TARS2: variants seen among roughly 807,000 people sequenced by gnomAD.
The protein encoded by TARS2 is threonine--tRNA ligase, mitochondrial.
Under a neutral mutation model 94.4 loss-of-function variants are expected in TARS2, and 61 were observed. The ratio of observed to expected loss-of-function variants is 0.65; its 90% confidence interval spans 0.53 to 0.80. TARS2 has a LOEUF of 0.80. Ranked by LOEUF, TARS2 falls within the 30% of genes least tolerant of loss-of-function variation. The pLI is 0.00. For missense variants in TARS2, 704 were observed against 902.5 expected (o/e 0.78, Z 2.82); for synonymous variants, 359 against 353.4 (o/e 1.02, Z -0.18).
chr1:150,487,627 C>T (rs1669208783), intron 1 of TARS2, 111 bp downstream of exon 1: 6 of 1,455,530 alleles, frequency 4.1e-6, no homozygotes, highest in African/African-American at 1.4e-5. Flanking sequence ...CCTGGTCCTC[C>T]GAGTCCCCAG....
intron 7 of TARS2, among the ~76,000 whole-genome samples, chr1:150,494,889 TAGCC>T (rs1669585110): frequency 6.7e-6 from 1 of 149,774 alleles, no homozygotes; most frequent in Non-Finnish European, 1.5e-5. Context: ...TACAAAAAAT[TAGCC>T]AGGTGTGGCC....
intron 6 of TARS2, 34 bp from the exon 7 acceptor site, chr1:150,492,377 T>C (rs749812543): frequency 1.2e-6 from 2 of 1,609,202 alleles, no homozygotes; most frequent in Non-Finnish European, 1.7e-6. Flanking sequence ...CTGAAGATTC[T>C]GAAAATCACT....
At chr1:150,506,482 G>A (rs1057234051) in intron 17 of TARS2, among the ~76,000 whole-genome samples, 6 of 29,904 alleles carry the variant, frequency 2.0e-4, no homozygotes, top group African/African-American at 3.7e-4. Flanking sequence ...TCAGACACGC[G>A]CGCGCACACA....
intron 6 of TARS2, 93 bp downstream of exon 6, chr1:150,491,755 T>G (rs1669394989): frequency 7.5e-7 from 1 of 1,337,808 alleles, no homozygotes; most frequent in Admixed American, 1.9e-5. Context: ...GAAGGTAATT[T>G]GTGTTGCTCC....
chr1:150,504,259 G>A, intron 13 of TARS2, 76 bp from the exon 14 acceptor site: 1 of 1,427,242 alleles, frequency 7.0e-7, no homozygotes, highest in Non-Finnish European at 9.8e-7. Context: ...AGGGTGGGAT[G>A]GCACAGGTAA....
intron 10 of TARS2, among the ~76,000 whole-genome samples, 176 bp downstream of exon 10, chr1:150,497,923 C>T (rs984458277): frequency 4.0e-5 from 6 of 151,850 alleles, no homozygotes; most frequent in African/African-American, 1.5e-4. Flanking sequence ...GAAACCCTGT[C>T]TCTACTAAAA....
At chr1:150,506,295 C>T (rs2102514781) in intron 17 of TARS2, among the ~76,000 whole-genome samples, 1 of 152,144 alleles carries the variant, frequency 6.6e-6, no homozygotes, top group Non-Finnish European at 1.5e-5. Context: ...TCAGCCCCTG[C>T]ATACATCCTC....
rs1422763270 is a variant in TARS2 at position 150,487,462 on chromosome 1, T to C, written c.12T>C (p.Tyr4=). The C allele has an allele frequency of 1.2e-6, 2 of 1,614,094 alleles. No homozygotes were observed. The highest frequency in any genetic ancestry group is 2.2e-5 in the East Asian group (1 of 44,900). Residue 4 remains tyrosine (Y), a synonymous_variant, in exon 1 of 18, where the codon TAT becomes TAC. Coordinates refer to ENST00000369064, the MANE Select transcript of TARS2 (RefSeq NM_025150.5). MAL[Y]QRWRCLRLQG... ...TGGTGTGAAGGAACATGGCCCTGTATCAGAGGTGGCGGTGTCTCCGGCTCC... is the reference window on the plus strand; with the variant it reads ...TGGTGTGAAGGAACATGGCCCTGTACCAGAGGTGGCGGTGTCTCCGGCTCC...
intron 7 of TARS2, among the ~76,000 whole-genome samples, chr1:150,494,114 C>T (rs1669531340): frequency 6.6e-6 from 1 of 152,166 alleles, no homozygotes; most frequent in Non-Finnish European, 1.5e-5. Flanking sequence ...ACCTGTAATC[C>T]CAGCACTTTG....
At chr1:150,499,103 A>G in intron 12 of TARS2, 69 bp downstream of exon 12, 1 of 1,612,200 alleles carries the variant, frequency 6.2e-7, no homozygotes, top group Non-Finnish European at 8.5e-7. Flanking sequence ...AGAATACAGT[A>G]ATCAAGGTTC....
chr1:150,493,572 G>A (rs1669502067), intron 7 of TARS2, among the ~76,000 whole-genome samples: 1 of 151,886 alleles, frequency 6.6e-6, no homozygotes, highest in Non-Finnish European at 1.5e-5. Context: ...TGACCAACAT[G>A]GAGAAACCCC....
chr1:150,498,817 C>T (rs1669784648), intron 11 of TARS2, 80 bp from the exon 12 acceptor site: 4 of 1,609,316 alleles, frequency 2.5e-6, no homozygotes, highest in African/African-American at 1.3e-5. Flanking sequence ...TCTGTTTTTG[C>T]CCTTTGTTTT....
chr1:150,503,549 G>A (rs991792971), intron 13 of TARS2, among the ~76,000 whole-genome samples: 1,640 of 78,464 alleles, frequency 0.021, 57 homozygotes, highest in African/African-American at 0.072. Flanking sequence ...ACACATATGT[G>A]TGTGTGTGTG....
chr1:150,499,646 G>A (rs587700028), intron 13 of TARS2, among the ~76,000 whole-genome samples: 2 of 152,186 alleles, frequency 1.3e-5, no homozygotes, highest in African/African-American at 2.4e-5. Context: ...GATTACAGGC[G>A]TGAGCCACCG....
chr1:150,491,849 C>T (rs932377010), intron 6 of TARS2, 187 bp downstream of exon 6: 25 of 573,536 alleles, frequency 4.4e-5, no homozygotes, highest in Non-Finnish European at 5.7e-5. Context: ...GGCTGGAGTG[C>T]GGTAGCACGA....
Position 150,490,684 on chromosome 1 carries a change from A to C in TARS2, c.471A>C (p.Thr157=). ...LGAVLCRGPS[T]EYGFYHDFFL... ...CTGTTCTCTGCAGAGGTCCAAGTACAGAATATGGCTTTTACCATGATTTCT... is the reference window on the plus strand; with the variant it reads ...CTGTTCTCTGCAGAGGTCCAAGTACCGAATATGGCTTTTACCATGATTTCT... Residue 157 remains threonine, a synonymous_variant, in exon 4 of 18, where the codon ACA becomes ACC. Coordinates refer to ENST00000369064, the MANE Select transcript of TARS2 (RefSeq NM_025150.5). 1 of 1,614,052 alleles carries C rather than the reference A, an allele frequency of 6.2e-7. No individual in the cohort carries two copies. Among genetic ancestry groups the C allele is most frequent in the Non-Finnish European group, 8.5e-7 (1 of 1,180,010 alleles).
rs1223973722 is a variant in TARS2 at position 150,497,666 on chromosome 1, C to T, written c.1157C>T (p.Pro386Leu). 1 of 1,614,188 alleles carries T rather than the reference C, an allele frequency of 6.2e-7. No homozygotes were observed. The stretch of plus-strand genomic sequence containing the variant: ...GTGCAGCCCCCAGGCTCTGACAGGC[C>T]TCCCAGCTCCCAGAGTGACGATTCT... ...FAVQPPGSDR[P>L]PSSQSDDSTR... is the part of the protein sequence containing the mutation. The change falls in exon 10 of 18, where the codon CCT (proline) becomes CTT (leucine). Residue 386 changes from proline to leucine, a missense_variant. Transcript: ENST00000369064.
intron 3 of TARS2, chr1:150,489,415 T>C (rs1169382963): frequency 5.7e-6 from 2 of 352,768 alleles, no homozygotes; most frequent in Admixed American, 8.3e-5. Context: ...AATTCTAACA[T>C]GGCTTATACA....
In TARS2 at chr1:150,504,616, C is replaced by CG. The variant is rs760939115; in HGVS notation, c.1719-16_1719-15insG. The CG allele has an allele frequency of 4.3e-6, 7 of 1,612,836 alleles. No homozygotes were observed. The highest frequency in any genetic ancestry group is 5.9e-6 in the Non-Finnish European group (7 of 1,179,034). ...ACTTCCACCATTCCATCCACCCCCC[C>CG]CTTTTTCCTTTCAAGGCAGGCGGGT... On this transcript the variant is annotated splice_polypyrimidine_tract_variant and intron_variant, in intron 14 of 17. Coordinates refer to ENST00000369064, the MANE Select transcript of TARS2 (RefSeq NM_025150.5).
Sources: gnomAD v4.1 joint callset for allele counts (sites outside exome capture counted in the v4.1 genomes callset) on GRCh38, gnomAD v4.1.1 for gene constraint, MANE v1.5 for transcripts, NCBI Gene and HGNC (gene_info 2026-07-23, HGNC 2026-07-21) for gene names.